USP15: variants seen among roughly 807,000 people sequenced by gnomAD.
USP15 encodes ubiquitin specific peptidase 15.
USP15 carries 18 observed loss-of-function variants against 127.1 expected under a neutral mutation model. That is an observed-to-expected ratio of 0.14 (90% confidence interval 0.10 to 0.21). The LOEUF (loss-of-function observed/expected upper bound fraction) is 0.21, where lower values mean the gene tolerates loss of function less well. USP15 is among the 10% of genes least tolerant of loss of function. USP15 has a pLI of 1.00. For missense variants in USP15, 805 were observed against 1,159.9 expected (o/e 0.69, Z 4.44); for synonymous variants, 364 against 393.7 (o/e 0.92, Z 0.89).
intron 19 of USP15, among the ~76,000 whole-genome samples, chr12:62,396,002 A>G (rs777084474): frequency 6.6e-6 from 1 of 152,112 alleles, no homozygotes; most frequent in Non-Finnish European, 1.5e-5. Flanking sequence ...TGCGACAAAC[A>G]TGGGGAGTGC....
intron 6 of USP15, chr12:62,335,042 T>C: frequency 4.8e-6 from 4 of 825,656 alleles, no homozygotes; most frequent in Non-Finnish European, 7.5e-6. Flanking sequence ...TACCTTTTTC[T>C]GTCTGAGGGC....
intron 6 of USP15, chr12:62,334,154 C>T (rs1369554375): frequency 6.6e-6 from 1 of 152,192 alleles, no homozygotes; most frequent in Non-Finnish European, 1.5e-5. Flanking sequence ...CTAATCTTCT[C>T]TGTATCGTTC....
intron 8 of USP15, among the ~76,000 whole-genome samples, chr12:62,358,496 CCTGAAGT>C (rs2066210240): frequency 6.6e-6 from 1 of 152,120 alleles, no homozygotes; most frequent in African/African-American, 2.4e-5. Context: ...GAGTGGATCA[CCTGAAGT>C]CAGGAGTTTG....
chr12:62,371,627 A>C (rs2066672169), intron 8 of USP15, among the ~76,000 whole-genome samples: 1 of 152,144 alleles, frequency 6.6e-6, no homozygotes, highest in Admixed American at 6.6e-5. Flanking sequence ...TTTTTATTAT[A>C]TCTTACACAA....
Position 62,408,595 on chromosome 12 carries a change from CATG to C in USP15, c.*4222_*4224del, listed in dbSNP as rs2067952512. On this transcript the variant is annotated 3_prime_UTR_variant, in exon 22 of 22. Transcript: ENST00000280377. ...ATTTTTTGCTCTTTGAATAACTTAA[CATG>C]AGGAATTTGGAAACAACCTCTCTTG... 6.6e-6 allele frequency: 1 copy of C among 152,018 alleles called. No homozygotes were observed. The highest frequency in any genetic ancestry group is 1.5e-5 in the Non-Finnish European group (1 of 67,986). The allele number at this position is 152,018 out of a possible 1,614,324, so 9.4% of individuals were successfully genotyped here.
chr12:62,345,340 G>A (rs947209136), intron 6 of USP15, among the ~76,000 whole-genome samples: 1 of 152,102 alleles, frequency 6.6e-6, no homozygotes, highest in Non-Finnish European at 1.5e-5. Flanking sequence ...AGTCACCCTT[G>A]CTCCAGTTCA....
chr12:62,270,077 A>G (rs2063312616), intron 1 of USP15, among the ~76,000 whole-genome samples: 1 of 152,034 alleles, frequency 6.6e-6, no homozygotes, highest in African/African-American at 2.4e-5. Flanking sequence ...CTTAGTGGAT[A>G]TGAAGTAGTA....
At chr12:62,339,575 T>C (rs2065585140) in intron 6 of USP15, among the ~76,000 whole-genome samples, 1 of 152,186 alleles carries the variant, frequency 6.6e-6, no homozygotes, top group Admixed American at 6.5e-5. Context: ...CAATAGTTTA[T>C]TGAGAGTTTT....
intron 21 of USP15, among the ~76,000 whole-genome samples, chr12:62,402,247 T>G (rs1390854): frequency 0.25 from 37,442 of 151,400 alleles, 5,666 homozygotes; most frequent in East Asian, 0.34. Context: ...ATGATATATA[T>G]AGAGAGAGAG....
chr12:62,317,636 G>T (rs757349697), intron 4 of USP15, among the ~76,000 whole-genome samples: 7 of 152,162 alleles, frequency 4.6e-5, no homozygotes, highest in Non-Finnish European at 1.0e-4. Flanking sequence ...GATTGAAAAT[G>T]ATTAAAATAG....
At position 62,413,565 on chromosome 12, in the gene USP15, T is replaced by C. The variant is rs1428187711; in HGVS notation, c.*9190T>C. On this transcript the variant is annotated 3_prime_UTR_variant, in exon 22 of 22. Coordinates refer to ENST00000280377, the MANE Select transcript of USP15 (RefSeq NM_001252078.2). ...TATGCTTGTCTGTTGTGGAGACAGC[T>C]TGTTTCCTTAAACTCCATGAATCAA... The C allele has an allele frequency of 6.6e-6, 1 of 152,244 alleles. No homozygotes were observed. The highest frequency in any genetic ancestry group is 1.5e-5 in the Non-Finnish European group (1 of 68,054). The allele number at this position is 152,244 out of a possible 1,614,324, so 9.4% of individuals were successfully genotyped here. A position where few individuals can be genotyped will look rare whatever the true frequency, so the allele number is the denominator to read the frequency against.
At chr12:62,289,952 A>G (rs934583399) in intron 1 of USP15, among the ~76,000 whole-genome samples, 5 of 152,124 alleles carry the variant, frequency 3.3e-5, no homozygotes, top group Admixed American at 3.3e-4. Context: ...TTCTAGCTTT[A>G]TTTCACTGTG....
intron 8 of USP15, among the ~76,000 whole-genome samples, chr12:62,360,478 A>T (rs2066280631): frequency 6.6e-6 from 1 of 152,080 alleles, no homozygotes; most frequent in Admixed American, 6.6e-5. Context: ...AACTAGATAG[A>T]TCTTCATTAC....
At chr12:62,351,774 G>A (rs1331995912) in intron 7 of USP15, among the ~76,000 whole-genome samples, 2 of 151,892 alleles carry the variant, frequency 1.3e-5, no homozygotes, top group Non-Finnish European at 2.9e-5. Context: ...ATAGCGAATA[G>A]TCACTGAGGT....
In USP15 at chr12:62,398,138, A is replaced by G. The variant is rs370193975; in HGVS notation, c.2674+1740A>G. On this transcript the variant is annotated intron_variant, in intron 20 of 21. Transcript: ENST00000280377. ...TCCCGAGTAGCTGGACTACAGGCACATGCCACCACACCCAGCTAATTTTTT... is the reference window on the plus strand; with the variant it reads ...TCCCGAGTAGCTGGACTACAGGCACGTGCCACCACACCCAGCTAATTTTTT... Among the ~76,000 whole-genome samples the G allele has an allele frequency of 5.9e-5, 9 of 151,568 alleles. No homozygotes were observed. In the East Asian group the frequency reaches 9.8e-4, roughly 17 times the overall value.
chr12:62,318,112 C>T (rs945864404), intron 4 of USP15, among the ~76,000 whole-genome samples: 1 of 152,152 alleles, frequency 6.6e-6, no homozygotes, highest in Non-Finnish European at 1.5e-5. Context: ...CACTGTCAGT[C>T]CTTTGACCAT....
intron 1 of USP15, among the ~76,000 whole-genome samples, chr12:62,268,866 A>G (rs1215312086): frequency 6.6e-6 from 1 of 152,076 alleles, no homozygotes; most frequent in Non-Finnish European, 1.5e-5. Flanking sequence ...TTGGAATCCA[A>G]AAAGGAACCT....
chr12:62,338,702 C>T (rs1592620962), intron 6 of USP15, among the ~76,000 whole-genome samples: 2 of 152,086 alleles, frequency 1.3e-5, no homozygotes, highest in South Asian at 4.1e-4. Flanking sequence ...AGCCAGTTTT[C>T]CCAGCACTGT....
chr12:62,357,109 T>C (rs538354931), intron 8 of USP15, among the ~76,000 whole-genome samples: 54 of 152,170 alleles, frequency 3.5e-4, no homozygotes, highest in African/African-American at 1.2e-3. Flanking sequence ...TAATAAAATA[T>C]TTCAACAACA....
Sources: allele counts gnomAD v4.1 joint callset (sites outside exome capture counted in the v4.1 genomes callset), GRCh38; gene constraint gnomAD v4.1.1; transcripts MANE v1.5; gene names NCBI Gene and HGNC (gene_info 2026-07-23, HGNC 2026-07-21).